LRMDA: variants seen among roughly 807,000 people sequenced by gnomAD.
LRMDA encodes leucine rich melanocyte differentiation associated.
LRMDA carries 18 observed loss-of-function variants against 29.8 expected under a neutral mutation model. The ratio of observed to expected loss-of-function variants is 0.60; its 90% confidence interval spans 0.42 to 0.90. The LOEUF (loss-of-function observed/expected upper bound fraction) is 0.90. Among genes scored for constraint, LRMDA ranks in the 40% least tolerant of loss-of-function variants. The probability of loss-of-function intolerance (pLI) is 0.00; values close to 1 mark genes in which losing one functional copy is unlikely to be tolerated. For synonymous variants in LRMDA, 125 were observed against 109.4 expected (o/e 1.14, Z -0.89); for missense variants, 273 against 273.9 (o/e 1.00, Z 0.02).
At position 75,464,285 on chromosome 10, in the gene LRMDA, A is replaced by G. The variant is rs541867256; in HGVS notation, c.131+25791A>G. 5.3e-5 allele frequency among the ~76,000 whole-genome samples: 8 copies of G among 152,352 alleles called. No individual in the cohort carries two copies. In the South Asian group the frequency reaches 8.3e-4, roughly 16 times the overall value. ...AAGGGGTTGGCTGTGTGTGTTGTGC[A>G]CATGTGCTCACTGTGGTGAGAAGGA... On this transcript the variant is annotated intron_variant, in intron 2 of 6. Coordinates refer to ENST00000611255, the MANE Select transcript of LRMDA (RefSeq NM_001305581.2).
intron 2 of LRMDA, among the ~76,000 whole-genome samples, chr10:75,540,015 G>A (rs1480882329): frequency 1.3e-5 from 2 of 152,138 alleles, no homozygotes; most frequent in Admixed American, 6.5e-5. Context: ...TCTGTTCTAG[G>A]ATCTGGGGGT....
chr10:75,658,235 G>A (rs1365038135), intron 2 of LRMDA, among the ~76,000 whole-genome samples: 1 of 149,168 alleles, frequency 6.7e-6, no homozygotes, highest in Non-Finnish European at 1.5e-5. Flanking sequence ...TTCACTGCAC[G>A]CTGTGTGAAT....
chr10:75,949,769 A>G (rs576280046), intron 2 of LRMDA, among the ~76,000 whole-genome samples: 112 of 152,260 alleles, frequency 7.4e-4, no homozygotes, highest in Non-Finnish European at 1.0e-3. Context: ...TTTTTGAGGA[A>G]GCCAGAGATG....
At chr10:75,554,552 A>G (rs975202811) in intron 2 of LRMDA, among the ~76,000 whole-genome samples, 4 of 152,010 alleles carry the variant, frequency 2.6e-5, no homozygotes, top group African/African-American at 9.7e-5. Flanking sequence ...TCCTATCACT[A>G]CTCTTAGGAG....
At chr10:75,485,123 T>C (rs1409279277) in intron 2 of LRMDA, among the ~76,000 whole-genome samples, 1 of 152,252 alleles carries the variant, frequency 6.6e-6, no homozygotes. Flanking sequence ...CAATATCTGC[T>C]ATAGCACTTG....
At chr10:76,463,945 G>A (rs1171706795) in intron 6 of LRMDA, among the ~76,000 whole-genome samples, 1 of 83,234 alleles carries the variant, frequency 1.2e-5, no homozygotes, top group African/African-American at 3.6e-5. Context: ...GTGAGATGGA[G>A]TCTTTCTGTG....
intron 2 of LRMDA, among the ~76,000 whole-genome samples, chr10:76,009,301 T>A (rs1847730720): frequency 6.6e-6 from 1 of 152,158 alleles, no homozygotes; most frequent in African/African-American, 2.4e-5. Context: ...CTAAGATGCA[T>A]CCCTCATCAA....
Position 75,474,030 on chromosome 10 carries a change from C to T in LRMDA, c.131+35536C>T, listed in dbSNP as rs569937887. 3.9e-5 allele frequency among the ~76,000 whole-genome samples: 6 copies of T among 152,168 alleles called. No homozygotes were observed. In the South Asian group the frequency reaches 6.2e-4, roughly 16 times the overall value. On this transcript the variant is annotated intron_variant, in intron 2 of 6. Transcript: ENST00000611255. ...GCTGATACGCCTGGTTTGTGGACCA[C>T]GTGAGACAACATCTCCTTGCATTGC...
intron 6 of LRMDA, among the ~76,000 whole-genome samples, chr10:76,423,309 G>A (rs1004337886): frequency 1.3e-5 from 2 of 152,082 alleles, no homozygotes; most frequent in African/African-American, 2.4e-5. Flanking sequence ...TGGGAGGATC[G>A]CTTCAGCCCA....
chr10:75,993,790 G>A lies in LRMDA; in HGVS notation c.132-42218G>A, dbSNP rs183354496. The stretch of plus-strand genomic sequence containing the variant: ...TCCCTCAGGGTCATATTATTGGTAC[G>A]TGGTGGAGCTGGCCTGAGAATAGAG... On this transcript the variant is annotated intron_variant, in intron 2 of 6. Transcript: ENST00000611255. 3.9e-3 allele frequency among the ~76,000 whole-genome samples: 586 copies of A among 152,084 alleles called. 1 individual carries two copies. The highest frequency in any genetic ancestry group is 4.2e-3 in the Non-Finnish European group (287 of 67,982).
At chr10:76,019,200 A>G (rs778312856) in intron 2 of LRMDA, among the ~76,000 whole-genome samples, 7 of 152,204 alleles carry the variant, frequency 4.6e-5, no homozygotes, top group Non-Finnish European at 8.8e-5. Flanking sequence ...GTCACTCAGT[A>G]GAGTGTGTGC....
intron 6 of LRMDA, among the ~76,000 whole-genome samples, chr10:76,393,219 A>G (rs1415877808): frequency 6.6e-6 from 1 of 152,132 alleles, no homozygotes; most frequent in Non-Finnish European, 1.5e-5. Context: ...TTGCTAGGTT[A>G]TATGTATAAT....
intron 2 of LRMDA, among the ~76,000 whole-genome samples, chr10:75,729,187 G>A (rs934583371): frequency 2.0e-5 from 3 of 152,200 alleles, no homozygotes; most frequent in African/African-American, 4.8e-5. Context: ...GCAGGTACTC[G>A]GGCATATAAA....
At chr10:76,033,958 CAG>C (rs1848195401) in intron 2 of LRMDA, among the ~76,000 whole-genome samples, 1 of 151,416 alleles carries the variant, frequency 6.6e-6, no homozygotes, top group African/African-American at 2.4e-5. Flanking sequence ...GGAAACAAAA[CAG>C]TGAATAAAAG....
At chr10:75,480,305 G>C (rs1844838643) in intron 2 of LRMDA, among the ~76,000 whole-genome samples, 1 of 96,860 alleles carries the variant, frequency 1.0e-5, no homozygotes, top group Non-Finnish European at 2.1e-5. Context: ...AGTTGGCCAA[G>C]TAAGGTGGCC....
chr10:75,707,619 C>G (rs999415307), intron 2 of LRMDA, among the ~76,000 whole-genome samples: 14 of 152,216 alleles, frequency 9.2e-5, no homozygotes, highest in Admixed American at 2.0e-4. Context: ...GTCTTCTCCC[C>G]TTTGAGGCTG....
At chr10:76,151,498 C>A (rs10824374) in intron 5 of LRMDA, among the ~76,000 whole-genome samples, 24,647 of 151,974 alleles carry the variant, frequency 0.16, 2,236 homozygotes, top group Admixed American at 0.24. Context: ...CTCTTGTATC[C>A]TTTGCACTTA....
rs1554853767 is a variant in LRMDA, at chr10:76,188,950, A to ACACACG, written c.516+130172_516+130173insGCACAC. Reference sequence around the variant, plus strand: ...TGATTGCATGTACACACACACACACACACACACACACACACACACAGTTCT... The same window carrying ACACACG: ...TGATTGCATGTACACACACACACACACACACGCACACACACACACACACACAGTTCT... On this transcript the variant is annotated intron_variant, in intron 5 of 6. Coordinates refer to ENST00000611255, the MANE Select transcript of LRMDA (RefSeq NM_001305581.2). Among the ~76,000 whole-genome samples, 63 of 151,718 alleles carry ACACACG rather than the reference A, an allele frequency of 4.2e-4. No homozygotes were observed. The East Asian group carries it at 9.7e-3, about 23-fold the overall frequency.
chr10:76,062,648 TTATCTCTC>T (rs982793311), intron 5 of LRMDA, among the ~76,000 whole-genome samples: 1 of 104,168 alleles, frequency 9.6e-6, no homozygotes, highest in African/African-American at 3.3e-5. Flanking sequence ...CTTCCAGACT[TTATCTCTC>T]TGTGTGTGTG....
Sources: gnomAD v4.1 joint callset for allele counts (sites outside exome capture counted in the v4.1 genomes callset) on GRCh38, gnomAD v4.1.1 for gene constraint, MANE v1.5 for transcripts, NCBI Gene and HGNC (gene_info 2026-07-23, HGNC 2026-07-21) for gene names.